Variants in SPACDR observed in about 807,000 individuals in gnomAD.
SPACDR encodes uncharacterized protein C7orf61.
chr7:100,463,518 C>G, the SPACDR span: 9 of 1,614,018 alleles, frequency 5.6e-6, no homozygotes, highest in South Asian at 6.6e-5. Flanking sequence ...ACGCAGGGAT[C>G]TGCCAGCTCG....
the SPACDR span, chr7:100,463,539 C>T: frequency 6.2e-7 from 1 of 1,614,010 alleles, no homozygotes; most frequent in Non-Finnish European, 8.5e-7. Flanking sequence ...GGGGACTCAC[C>T]CAACTTGGGC....
At chr7:100,457,856 T>TG in the SPACDR span, among the ~76,000 whole-genome samples, 1 of 118,306 alleles carries the variant, frequency 8.5e-6, no homozygotes, top group Non-Finnish European at 1.7e-5. Context: ...TATATATATA[T>TG]ATTTTTTTTT....
At chr7:100,458,172 C>T in the SPACDR span, among the ~76,000 whole-genome samples, 3 of 146,816 alleles carry the variant, frequency 2.0e-5, no homozygotes, top group Middle Eastern at 3.6e-3. Flanking sequence ...ATGTAGATTT[C>T]CCCAGTTGTA....
At chr7:100,456,908 C>G in the SPACDR span, 2 of 1,613,744 alleles carry the variant, frequency 1.2e-6, no homozygotes, top group Non-Finnish European at 1.7e-6. Flanking sequence ...ACACCTCCCA[C>G]AGCAACTCAG....
the SPACDR span, among the ~76,000 whole-genome samples, chr7:100,462,730 C>T: frequency 6.7e-6 from 1 of 150,166 alleles, no homozygotes; most frequent in Admixed American, 6.6e-5. Flanking sequence ...CCAGGCTGGC[C>T]TTGAACTCCT....
At chr7:100,461,711 C>T in the SPACDR span, among the ~76,000 whole-genome samples, 22 of 150,838 alleles carry the variant, frequency 1.5e-4, no homozygotes, top group Non-Finnish European at 2.2e-4. Context: ...CTTGCCTGGC[C>T]GGGCGCAGTG....
At chr7:100,459,263 G>A in the SPACDR span, among the ~76,000 whole-genome samples, 1 of 151,416 alleles carries the variant, frequency 6.6e-6, no homozygotes, top group African/African-American at 2.4e-5. Context: ...GCCTGCCTCG[G>A]CCTCCCAAAG....
chr7:100,458,195 GGTGTGTGTGTGTGTGT>G, the SPACDR span, among the ~76,000 whole-genome samples: 865 of 137,116 alleles, frequency 6.3e-3, 4 homozygotes, highest in African/African-American at 0.013. Flanking sequence ...TGTACTCACT[GGTGTGTGTGTGTGTGT>G]GTGTGTGTGT....
chr7:100,460,831 G>T, the SPACDR span, among the ~76,000 whole-genome samples: 2 of 151,752 alleles, frequency 1.3e-5, no homozygotes, highest in Admixed American at 6.6e-5. Flanking sequence ...GTAGAGATGG[G>T]GTCTCCCTGT....
chr7:100,464,196 C>T, the SPACDR span: 1 of 1,476,914 alleles, frequency 6.8e-7, no homozygotes, highest in East Asian at 2.5e-5. Flanking sequence ...GGGGGAAGCC[C>T]CTCCTGGCAA....
chr7:100,463,063 T>C, the SPACDR span, among the ~76,000 whole-genome samples: 35 of 148,280 alleles, frequency 2.4e-4, no homozygotes, highest in African/African-American at 7.7e-4. Context: ...GAGATCACGC[T>C]ACTGCACTCC....
chr7:100,463,599 G>A, the SPACDR span: 1 of 1,614,000 alleles, frequency 6.2e-7, no homozygotes. Flanking sequence ...ACCACCTGGA[G>A]AGTCTTCTCC....
chr7:100,457,107 C>A, the SPACDR span: 1 of 622,054 alleles, frequency 1.6e-6, no homozygotes, highest in Non-Finnish European at 2.8e-6. Flanking sequence ...ATCAGCCCAA[C>A]TCATACATCA....
At chr7:100,464,048 G>A in the SPACDR span, 5 of 1,229,908 alleles carry the variant, frequency 4.1e-6, no homozygotes, top group Admixed American at 2.3e-5. Context: ...GAAAAACACA[G>A]AAGAAAGGGC....
chr7:100,464,092 T>TGGGGGGGGGG, the SPACDR span: 1 of 127,752 alleles, frequency 7.8e-6, no homozygotes, highest in Non-Finnish European at 1.2e-5. Context: ...GGGTGGCGGG[T>TGGGGGGGGGG]GGGGGATGGG....
the SPACDR span, among the ~76,000 whole-genome samples, chr7:100,458,183 C>T: frequency 7.5e-6 from 1 of 133,070 alleles, no homozygotes; most frequent in Non-Finnish European, 1.6e-5. Context: ...CCCAGTTGTA[C>T]TTGTACTCAC....
At chr7:100,457,107 C>T in the SPACDR span, 1,290 of 622,050 alleles carry the variant, frequency 2.1e-3, 4 homozygotes, top group Non-Finnish European at 2.0e-3. Flanking sequence ...ATCAGCCCAA[C>T]TCATACATCA....
At chr7:100,457,850 TATA>T in the SPACDR span, among the ~76,000 whole-genome samples, 1 of 124,200 alleles carries the variant, frequency 8.1e-6, no homozygotes, top group African/African-American at 3.1e-5. Context: ...TGTATATATA[TATA>T]TATATTTTTT....
At chr7:100,457,801 A>ATGTGTGTGTGTG in the SPACDR span, among the ~76,000 whole-genome samples, 4,971 of 73,470 alleles carry the variant, frequency 0.068, 217 homozygotes, top group South Asian at 0.077. Flanking sequence ...TTATATATAT[A>ATGTGTGTGTGTG]TATGTGTGTG....
Sources: gnomAD v4.1 joint callset for allele counts (sites outside exome capture counted in the v4.1 genomes callset) on GRCh38, gnomAD v4.1.1 for gene constraint, MANE v1.5 for transcripts, NCBI Gene and HGNC (gene_info 2026-07-23, HGNC 2026-07-21) for gene names.